Variants in LDLRAD4 observed in about 807,000 individuals in gnomAD.
The protein encoded by LDLRAD4 is low-density lipoprotein receptor class A domain-containing protein 4.
LDLRAD4 carries 5 observed loss-of-function variants against 17.0 expected under a neutral mutation model. The observed-to-expected ratio is 0.29, with a 90% CI of 0.15 to 0.62. LDLRAD4 has a LOEUF of 0.62. LDLRAD4 is among the 20% of genes least tolerant of loss of function. The pLI, the probability that LDLRAD4 is intolerant of heterozygous loss-of-function variation, is 0.84. For missense variants in LDLRAD4, 340 were observed against 424.7 expected (o/e 0.80, Z 1.75); for synonymous variants, 168 against 171.8 (o/e 0.98, Z 0.17).
intron 1 of LDLRAD4, among the ~76,000 whole-genome samples, chr18:13,368,146 T>C (rs2084204809): frequency 6.6e-6 from 1 of 152,016 alleles, no homozygotes; most frequent in Non-Finnish European, 1.5e-5. Context: ...CAGATAAAGG[T>C]GTGGAGCCCA....
At chr18:13,290,641 A>G (rs1009610547) in intron 1 of LDLRAD4, among the ~76,000 whole-genome samples, 2 of 152,124 alleles carry the variant, frequency 1.3e-5, no homozygotes, top group African/African-American at 4.8e-5. Context: ...GGGTATCTTA[A>G]AAGAGTTTTG....
intron 3 of LDLRAD4, among the ~76,000 whole-genome samples, chr18:13,597,143 C>G (rs1568386380): frequency 6.6e-6 from 1 of 152,128 alleles, no homozygotes; most frequent in Non-Finnish European, 1.5e-5. Context: ...CTAGGAAGGT[C>G]TTTATTTAGT....
At chr18:13,277,108 G>A (rs2146209545), upstream of LDLRAD4, among the ~76,000 whole-genome samples, 1 of 152,306 alleles carries the variant, frequency 6.6e-6, no homozygotes, top group Admixed American at 6.5e-5. Flanking sequence ...GAGCTCCGCA[G>A]GAATCTCCCA....
rs1252686984 is a variant in LDLRAD4 at position 13,388,524 on chromosome 18, A to G, written c.40+762A>G. Among the ~76,000 whole-genome samples, 9 of 148,960 alleles carry G rather than the reference A, an allele frequency of 6.0e-5. No homozygotes were observed. In the South Asian group the frequency reaches 1.7e-3, roughly 28 times the overall value. On this transcript the variant is annotated intron_variant, in intron 2 of 5. Transcript: ENST00000359446. ...GTTTTGTGGAGGTTGCCTTTCATTT[A>G]AGAGAAAGATGGTAGAAATAGTCAC...
At chr18:13,508,545 C>T (rs1398067192) in intron 3 of LDLRAD4, among the ~76,000 whole-genome samples, 1 of 152,188 alleles carries the variant, frequency 6.6e-6, no homozygotes, top group East Asian at 1.9e-4. Flanking sequence ...GCTCATTTCC[C>T]ATTCCAAAAA....
chr18:13,520,397 C>G (rs2093935022), intron 3 of LDLRAD4: 1 of 152,174 alleles, frequency 6.6e-6, no homozygotes, highest in African/African-American at 2.4e-5. Flanking sequence ...CTTTAGTGCT[C>G]TGTTTGCTGA....
chr18:13,328,622 G>A (rs770216682), intron 1 of LDLRAD4, among the ~76,000 whole-genome samples: 2 of 152,154 alleles, frequency 1.3e-5, no homozygotes, highest in Non-Finnish European at 2.9e-5. Flanking sequence ...TGTTTATTGA[G>A]CGTCAACTTT....
rs556550165 is a variant in LDLRAD4, at chr18:13,439,947, A to G, written c.181+1563A>G. Among the ~76,000 whole-genome samples the G allele has an allele frequency of 2.2e-3, 338 of 152,318 alleles. 4 individuals carry two copies. Among genetic ancestry groups the G allele is most frequent in the African/African-American group, 7.8e-3 (325 of 41,576 alleles). On this transcript the variant is annotated intron_variant, in intron 3 of 5. Transcript: ENST00000359446. Reference sequence around the variant, plus strand: ...GGTTATTGGAGTATCACACAGGACAATCCACAGCCAGCACTTAGAGCAGCA... The same window carrying G: ...GGTTATTGGAGTATCACACAGGACAGTCCACAGCCAGCACTTAGAGCAGCA...
At chr18:13,641,758 GC>G (rs2148976445) in intron 4 of LDLRAD4, 1 of 985,442 alleles carries the variant, frequency 1.0e-6, no homozygotes, top group Non-Finnish European at 1.2e-6. Context: ...TCAGCCGAGG[GC>G]CGGGCCTCGG....
exon 6 of LDLRAD4, chr18:13,650,051 G>A (rs551514172): frequency 4.3e-5 from 17 of 398,494 alleles, no homozygotes; most frequent in Non-Finnish European, 7.5e-5. Flanking sequence ...GTGGCTTACC[G>A]TTCGCCATTT....
At chr18:13,618,711 G>A (rs970116604) in intron 3 of LDLRAD4, among the ~76,000 whole-genome samples, 4 of 152,150 alleles carry the variant, frequency 2.6e-5, no homozygotes, top group Admixed American at 6.5e-5. Flanking sequence ...TGAATACTCC[G>A]CTATTTAACC....
At chr18:13,385,521 A>G (rs749846178) in intron 1 of LDLRAD4, among the ~76,000 whole-genome samples, 3 of 152,124 alleles carry the variant, frequency 2.0e-5, no homozygotes, top group Admixed American at 2.0e-4. Flanking sequence ...CAAATAGACA[A>G]AATTCCCACA....
intron 1 of LDLRAD4, among the ~76,000 whole-genome samples, chr18:13,256,331 G>A (rs1014032933): frequency 6.6e-6 from 1 of 152,108 alleles, no homozygotes; most frequent in South Asian, 2.1e-4. Flanking sequence ...TTAAAATAGG[G>A]TCCCTTTCTT....
chr18:13,498,629 T>C (rs373763686), intron 3 of LDLRAD4, among the ~76,000 whole-genome samples: 83 of 106,170 alleles, frequency 7.8e-4, no homozygotes, highest in Middle Eastern at 0.011. Context: ...GAATCCTTCT[T>C]GCCACACGTG....
rs940876509 is a variant in LDLRAD4 at position 13,300,040 on chromosome 18, G to T, written c.-383+21852G>T. Among the ~76,000 whole-genome samples the T allele has an allele frequency of 1.3e-5, 2 of 152,194 alleles. No individual in the cohort carries two copies. The highest frequency in any genetic ancestry group is 2.9e-5 in the Non-Finnish European group (2 of 68,040). ...CTCTCATGGCTCAGTTGCTGGCTTT[G>T]TGTGAACACAGAGACAATGTGTTTG... On this transcript the variant is annotated intron_variant, in intron 1 of 5. Transcript: ENST00000359446. This position sits in a 1 kb window ranked among gnomAD's most constrained non-coding sequence, Gnocchi z 4.2.
rs1158865591 is a variant in LDLRAD4 at position 13,395,461 on chromosome 18, G to A, written c.40+7699G>A. Among the ~76,000 whole-genome samples the A allele has an allele frequency of 9.2e-5, 5 of 54,330 alleles. No homozygotes were observed. In the South Asian group the frequency reaches 3.1e-3, roughly 34 times the overall value. The allele number at this position is 54,330 out of a possible 152,430, so 35.6% of individuals were successfully genotyped here. On this transcript the variant is annotated intron_variant, in intron 2 of 5. Coordinates refer to ENST00000359446, the Ensembl canonical transcript of LDLRAD4. ...TGCAGGTGTGGAGGTGGGGGCTGGC[G>A]TGGGGGTGGGGGCTGGCAGGGTGGG...
At chr18:13,448,903 G>A (rs1395523192) in intron 3 of LDLRAD4, among the ~76,000 whole-genome samples, 2 of 152,142 alleles carry the variant, frequency 1.3e-5, no homozygotes, top group African/African-American at 4.8e-5. Context: ...CTGGACTTCT[G>A]GATTCATCCT....
intron 3 of LDLRAD4, among the ~76,000 whole-genome samples, chr18:13,454,875 T>C (rs1430835909): frequency 2.0e-5 from 3 of 152,266 alleles, no homozygotes; most frequent in African/African-American, 7.2e-5. Context: ...GCCTTGGTCC[T>C]GATGTGTTCA....
Position 13,622,908 on chromosome 18 carries a change from T to TGC in LDLRAD4, c.336+1640_336+1641dup. 6.6e-6 allele frequency among the ~76,000 whole-genome samples: 1 copy of TGC among 152,200 alleles called. No individual in the cohort carries two copies. The highest frequency in any genetic ancestry group is 1.9e-4 in the East Asian group (1 of 5,188). Reference sequence around the variant, plus strand: ...AGCTCCAGAACGCTTGGGGTCTCTGTGCGCAGGCACACAGGGAGTTTTCTG... The same window carrying TGC: ...AGCTCCAGAACGCTTGGGGTCTCTGTGCGCGCAGGCACACAGGGAGTTTTCTG... On this transcript the variant is annotated intron_variant, in intron 4 of 5. Coordinates refer to ENST00000359446, the Ensembl canonical transcript of LDLRAD4. This position sits in a 1 kb window ranked among gnomAD's most constrained non-coding sequence, Gnocchi z 5.3.
Sources: gnomAD v4.1 joint callset for allele counts (sites outside exome capture counted in the v4.1 genomes callset) on GRCh38, gnomAD v4.1.1 for gene constraint, Gnocchi (gnomAD v3.1) non-coding constraint, MANE v1.5 for transcripts, NCBI Gene and HGNC (gene_info 2026-07-23, HGNC 2026-07-21) for gene names.